SLX4: variants seen among roughly 807,000 people sequenced by gnomAD.
SLX4 encodes the protein SLX4 structure-specific endonuclease subunit.
Under a neutral mutation model 146.2 loss-of-function variants are expected in SLX4, and 112 were observed. That is an observed-to-expected ratio of 0.77 (90% CI 0.66 to 0.90). SLX4 has a LOEUF of 0.90. SLX4 is among the 40% of genes least tolerant of loss of function. SLX4 has a pLI of 0.00. For missense variants in SLX4, 2,563 were observed against 2,392.7 expected (o/e 1.07, Z -1.49); for synonymous variants, 1,061 against 997.7 (o/e 1.06, Z -1.20).
intron 3 of SLX4, among the ~76,000 whole-genome samples, chr16:3,603,310 C>T (rs902565415): frequency 2.6e-5 from 4 of 152,248 alleles, no homozygotes; most frequent in Admixed American, 1.3e-4. Flanking sequence ...CCCCAAAGTG[C>T]TGGGATTACA....
chr16:3,602,506 T>A (rs529673008), intron 3 of SLX4, among the ~76,000 whole-genome samples, 199 bp from the exon 4 acceptor site: 1 of 152,250 alleles, frequency 6.6e-6, no homozygotes, highest in South Asian at 2.1e-4. Context: ...GGAACAGCCG[T>A]CTCCAACTTT....
intron 3 of SLX4, among the ~76,000 whole-genome samples, chr16:3,606,241 G>C (rs1433134870): frequency 2.6e-5 from 4 of 151,908 alleles, no homozygotes; most frequent in African/African-American, 9.7e-5. Flanking sequence ...ACAGAGCAAG[G>C]CTCTGTCTCA....
intron 13 of SLX4, among the ~76,000 whole-genome samples, chr16:3,584,507 A>C (rs1218742102): frequency 1.3e-5 from 2 of 152,166 alleles, no homozygotes; most frequent in African/African-American, 2.4e-5. Flanking sequence ...CCTGCTGCCC[A>C]GGGGTGACAT....
intron 13 of SLX4, among the ~76,000 whole-genome samples, chr16:3,584,119 C>CT (rs2040477538): frequency 6.6e-6 from 1 of 151,372 alleles, no homozygotes; most frequent in Admixed American, 6.6e-5. Flanking sequence ...GTTAAATGTT[C>CT]TTTTAAAAAA....
chr16:3,604,142 G>C (rs753606926), intron 3 of SLX4, among the ~76,000 whole-genome samples: 1 of 149,516 alleles, frequency 6.7e-6, no homozygotes, highest in Non-Finnish European at 1.5e-5. Flanking sequence ...CGAGGCACGA[G>C]AATAGCTTGA....
intron 12 of SLX4, 132 bp from the exon 13 acceptor site, chr16:3,585,003 A>G: frequency 1.3e-6 from 1 of 750,818 alleles, no homozygotes. Flanking sequence ...CATGAAAGCA[A>G]CAGTGGTCAC....
chr16:3,594,899 C>A (rs944245812), intron 9 of SLX4, among the ~76,000 whole-genome samples: 2 of 152,178 alleles, frequency 1.3e-5, no homozygotes, highest in African/African-American at 4.8e-5. Flanking sequence ...TGGCAGCTCC[C>A]GCACTGAGTG....
At chr16:3,583,845 A>C (rs574772662) in intron 13 of SLX4, among the ~76,000 whole-genome samples, 8 of 152,076 alleles carry the variant, frequency 5.3e-5, no homozygotes, top group Admixed American at 1.3e-4. Context: ...TCTACAAAAA[A>C]TACAAAAATT....
At chr16:3,610,889 AGGGCCT>A (rs1183673707) in intron 1 of SLX4, among the ~76,000 whole-genome samples, 1 of 152,238 alleles carries the variant, frequency 6.6e-6, no homozygotes, top group Non-Finnish European at 1.5e-5. Flanking sequence ...TTGGCTCACA[AGGGCCT>A]GGAAGGTCAG....
chr16:3,599,040 C>A (rs1053583431), intron 5 of SLX4, among the ~76,000 whole-genome samples: 1 of 152,250 alleles, frequency 6.6e-6, no homozygotes, highest in African/African-American at 2.4e-5. Flanking sequence ...GATCCACATA[C>A]ATCTAGTTTC....
At position 3,584,313 on chromosome 16, in the gene SLX4, C is replaced by A. The variant is rs138422323; in HGVS notation, c.4739+456G>T. On this transcript the variant is annotated intron_variant, in intron 13 of 14. Transcript: ENST00000294008. ...GCGTGTGCCTGTAGTCCCAGCTACT[C>A]GGGAGGCTGAGTCAGGAGAATCGCT... is the stretch of plus-strand genomic sequence containing the variant. Among the ~76,000 whole-genome samples, 6 of 151,664 alleles carry A rather than the reference C, an allele frequency of 4.0e-5. No individual in the cohort carries two copies. The East Asian group carries it at 1.2e-3, about 30-fold the overall frequency.
intron 4 of SLX4, 47 bp downstream of exon 4, chr16:3,602,071 A>C: frequency 6.2e-7 from 1 of 1,612,852 alleles, no homozygotes; most frequent in South Asian, 1.1e-5. Flanking sequence ...GTGCTTGGGG[A>C]TTCTGGTCAC....
Position 3,582,360 on chromosome 16 carries a change from C to G in SLX4, c.5487G>C (p.Lys1829Asn). 1 of 1,612,530 alleles carries G rather than the reference C, an allele frequency of 6.2e-7. No homozygotes were observed. Among genetic ancestry groups the G allele is most frequent in the South Asian group, 1.1e-5 (1 of 91,044 alleles). Reference sequence around the variant, plus strand: ...GGCCCCATCAGTTCCGCTCCACCTTCTTCTTGCCCCGAGGCTGCCGCCTCC... The same window carrying G: ...GGCCCCATCAGTTCCGCTCCACCTTGTTCTTGCCCCGAGGCTGCCGCCTCC... ...QGRRRQPRGK[K>N]KVERN The change falls in exon 15 of 15, where the codon AAG (lysine) becomes AAC (asparagine). Residue 1829 changes from lysine to asparagine, a missense_variant. Coordinates refer to ENST00000294008, the MANE Select transcript of SLX4 (RefSeq NM_032444.4).
At chr16:3,598,093 GAA>G in intron 5 of SLX4, 94 bp from the exon 6 acceptor site, 1 of 1,444,728 alleles carries the variant, frequency 6.9e-7, no homozygotes, top group African/African-American at 1.4e-5. Context: ...GGGCCTGAGA[GAA>G]AAGTGACGGA....
chr16:3,608,400 C>T (rs1462190792), intron 2 of SLX4, 30 bp downstream of exon 2: 1 of 1,613,744 alleles, frequency 6.2e-7, no homozygotes, highest in Middle Eastern at 1.7e-4. Flanking sequence ...GGAAGTTTTC[C>T]AGCCCCTGGT....
chr16:3,598,911 C>T (rs2040697177), intron 5 of SLX4, among the ~76,000 whole-genome samples: 1 of 152,216 alleles, frequency 6.6e-6, no homozygotes, highest in South Asian at 2.1e-4. Flanking sequence ...ATATGAGGCA[C>T]TCTGGCCGGG....
At chr16:3,602,887 G>C (rs1285217940) in intron 3 of SLX4, among the ~76,000 whole-genome samples, 1 of 152,180 alleles carries the variant, frequency 6.6e-6, no homozygotes, top group African/African-American at 2.4e-5. Context: ...GTCTTGAGAT[G>C]GCTCCCAGGG....
intron 11 of SLX4, among the ~76,000 whole-genome samples, chr16:3,591,806 T>C (rs1312479692): frequency 6.6e-6 from 1 of 152,092 alleles, no homozygotes; most frequent in Non-Finnish European, 1.5e-5. Flanking sequence ...TACAGTGAGC[T>C]GTGATCATGC....
chr16:3,584,290 G>A (rs185120495), intron 13 of SLX4, among the ~76,000 whole-genome samples: 149 of 151,880 alleles, frequency 9.8e-4, no homozygotes, highest in African/African-American at 3.3e-3. Flanking sequence ...GTGTGGTGGC[G>A]TGTGCCTGTA....
Sources: allele counts gnomAD v4.1 joint callset (sites outside exome capture counted in the v4.1 genomes callset), GRCh38; gene constraint gnomAD v4.1.1; transcripts MANE v1.5; gene names NCBI Gene and HGNC (gene_info 2026-07-23, HGNC 2026-07-21).